The following BTN3A2 variants were observed in gnomAD, a reference collection of about 807,000 sequenced individuals.
BTN3A2 encodes the protein butyrophilin protein.
In BTN3A2, 25 loss-of-function variants were observed where a neutral mutation model predicts 37.6. The ratio of observed to expected loss-of-function variants is 0.66; its 90% CI spans 0.48 to 0.93. BTN3A2 has a LOEUF of 0.93. BTN3A2 is among the 40% of genes least tolerant of loss of function. BTN3A2 has a pLI of 0.00. For missense variants in BTN3A2, 266 were observed against 410.9 expected (o/e 0.65, Z 3.05); for synonymous variants, 122 against 159.4 (o/e 0.77, Z 1.77).
chr6:26,373,854 G>A (rs976998536), intron 8 of BTN3A2: 10 of 179,902 alleles, frequency 5.6e-5, no homozygotes, highest in Non-Finnish European at 1.0e-4. Context: ...GTCTAATAAA[G>A]AGGAGTAGCT....
chr6:26,370,274 C>G (rs759276772), intron 4 of BTN3A2, 48 bp from the exon 5 acceptor site: 3 of 1,592,068 alleles, frequency 1.9e-6, no homozygotes, highest in Admixed American at 3.4e-5. Context: ...TGAGACCCTC[C>G]CTAATACAGG....
Position 26,377,018 on chromosome 6 carries a change from C to A in BTN3A2, c.*1256C>A. On this transcript the variant is annotated 3_prime_UTR_variant, in exon 11 of 11. Transcript: ENST00000377708. The stretch of plus-strand genomic sequence containing the variant: ...GATCTCATATCTACACATTTCTGCA[C>A]GCCTCTTCCTCTGAGCCTCTGTATC... 7.1e-7 allele frequency: 1 copy of A among 1,414,646 alleles called. No individual in the cohort carries two copies. The highest frequency in any genetic ancestry group is 1.0e-6 in the Non-Finnish European group (1 of 1,001,896). The allele number at this position is 1,414,646 out of a possible 1,614,324, so 87.6% of individuals were successfully genotyped here.
chr6:26,373,003 G>C lies in BTN3A2; in HGVS notation c.822G>C (p.Gln274His). 1.2e-6 allele frequency: 2 copies of C among 1,614,240 alleles called. No homozygotes were observed. The highest frequency in any genetic ancestry group is 1.7e-6 in the Non-Finnish European group (2 of 1,180,042). The change falls in exon 6 of 11, where the codon CAG becomes CAC. Residue 274 changes from glutamine (Q) to histidine (H), a missense_variant. Gln to His is a conservative substitution (Grantham distance 24). Around this residue, in one of 3 missense-constraint regions of BTN3A2, gnomAD observed 204 missense variants for 232.6 expected, o/e 0.88. Coordinates refer to ENST00000377708, the MANE Select transcript of BTN3A2 (RefSeq NM_007047.5). ...AGASYFLWRQ[Q>H]KEITALSSEI... The stretch of plus-strand genomic sequence containing the variant: ...CCAGTTACTTCTTGTGGAGACAACA[G>C]AAGGAAATAACTGCTCTGTCCAGTG...
intron 6 of BTN3A2, 39 bp from the exon 7 acceptor site, chr6:26,373,237 C>CTTTTTT: frequency 2.1e-5 from 28 of 1,351,644 alleles, no homozygotes; most frequent in Admixed American, 2.6e-5. Flanking sequence ...AACAGTTCAT[C>CTTTTTT]TTTTTTTTTT....
At chr6:26,373,718 T>C in intron 8 of BTN3A2, 1 of 310,408 alleles carries the variant, frequency 3.2e-6, no homozygotes, top group East Asian at 5.2e-5. Flanking sequence ...AAGGATGAGG[T>C]GCATTTTCTA....
chr6:26,374,624 C>T (rs1039019939), intron 9 of BTN3A2, 147 bp from the exon 10 acceptor site: 2 of 1,008,060 alleles, frequency 2.0e-6, no homozygotes, highest in African/African-American at 3.3e-5. Flanking sequence ...GGTGCCACCT[C>T]TGATCCATCA....
chr6:26,375,905 G>A lies in BTN3A2; in HGVS notation c.*143G>A. On this transcript the variant is annotated 3_prime_UTR_variant, in exon 11 of 11. Coordinates refer to ENST00000377708, the MANE Select transcript of BTN3A2 (RefSeq NM_007047.5). ...TTTAGCTCACGAGTGGTCGAGTGAA[G>A]ATTGAAAATTAACCTCTGAGGGCCA... is the stretch of plus-strand genomic sequence containing the variant. 6.6e-7 allele frequency: 1 copy of A among 1,518,956 alleles called. No individual in the cohort carries two copies. 94.1% of individuals were successfully genotyped at this position (1,518,956 alleles called of 1,614,324 possible).
At chr6:26,373,244 T>C in intron 6 of BTN3A2, 32 bp from the exon 7 acceptor site, 3 of 1,491,302 alleles carry the variant, frequency 2.0e-6, no homozygotes, top group East Asian at 2.4e-5. Flanking sequence ...CATCTTTTTT[T>C]TTTTTTTTTT....
intron 10 of BTN3A2, chr6:26,375,060 A>G (rs1477738024): frequency 1.1e-5 from 4 of 380,502 alleles, no homozygotes; most frequent in African/African-American, 2.1e-5. Flanking sequence ...TTCTCATGCC[A>G]CCTACTGCCT....
rs942293352 is a variant in BTN3A2, at chr6:26,369,056, C to G, written c.433+144C>G. ...GCCTCCCAACTTAGCTTCTCTGAGG[C>G]CCTTGAGTAAGACACAGGTTTTCCT... On this transcript the variant is annotated intron_variant, in intron 4 of 10. Transcript: ENST00000377708. 6.3e-6 allele frequency: 4 copies of G among 631,824 alleles called. 1 individual carries two copies. In the African/African-American group the frequency reaches 7.3e-5, roughly 12 times the overall value. The allele number at this position is 631,824 out of a possible 1,614,324, so 39.1% of individuals were successfully genotyped here. A position where few individuals can be genotyped will look rare whatever the true frequency, so the allele number is the denominator to read the frequency against.
intron 1 of BTN3A2, among the ~76,000 whole-genome samples, chr6:26,366,301 A>T (rs546371645): frequency 1.3e-5 from 2 of 152,290 alleles, no homozygotes; most frequent in South Asian, 4.1e-4. Context: ...TATTTGCATC[A>T]ATCTCTAAAT....
At chr6:26,366,311 T>G (rs1374368111) in intron 1 of BTN3A2, among the ~76,000 whole-genome samples, 1 of 152,202 alleles carries the variant, frequency 6.6e-6, no homozygotes, top group Non-Finnish European at 1.5e-5. Context: ...AATCTCTAAA[T>G]TTTTTTCTTC....
Position 26,373,063 on chromosome 6 carries a change from A to G in BTN3A2, c.882A>G (p.Gly294=). The G allele has an allele frequency of 6.2e-7, 1 of 1,614,180 alleles. No homozygotes were observed. Among genetic ancestry groups the G allele is most frequent in the Non-Finnish European group, 8.5e-7 (1 of 1,180,040 alleles). Residue 294 remains glycine, a synonymous_variant, in exon 6 of 11, where the codon GGA becomes GGG. Transcript: ENST00000377708. ...GTGAGCAAGAGATGAAAGAAATGGG[A>G]TATGCTGCAACAGAGCGGGAAATAA... The part of the protein sequence containing the change: ...IESEQEMKEM[G]YAATEREISL...
chr6:26,373,333 T>A, intron 7 of BTN3A2, 37 bp downstream of exon 7: 1 of 1,609,628 alleles, frequency 6.2e-7, no homozygotes. Context: ...AGACATGTCT[T>A]CCTATCCTCG....
chr6:26,374,610 A>G, intron 9 of BTN3A2, 161 bp from the exon 10 acceptor site: 1 of 929,684 alleles, frequency 1.1e-6, no homozygotes, highest in Admixed American at 2.7e-5. Flanking sequence ...GACATTTTTG[A>G]GAAGGTGCCA....
At position 26,376,630 on chromosome 6, in the gene BTN3A2, A is replaced by G. The variant is rs1234593629; in HGVS notation, c.*868A>G. ...GCCATCCTCCTTGTTTCTGAGGACC[A>G]GAGGAGTGTACAGCGTGCTGAGGAG... is the stretch of plus-strand genomic sequence containing the variant. On this transcript the variant is annotated 3_prime_UTR_variant, in exon 11 of 11. Transcript: ENST00000377708. The G allele has an allele frequency of 1.4e-6, 2 of 1,464,716 alleles. No homozygotes were observed. Among genetic ancestry groups the G allele is most frequent in the Non-Finnish European group, 1.9e-6 (2 of 1,051,166 alleles). The allele number at this position is 1,464,716 out of a possible 1,614,324, so 90.7% of individuals were successfully genotyped here. A position where few individuals can be genotyped will look rare whatever the true frequency, so the allele number is the denominator to read the frequency against.
chr6:26,374,933 A>G, intron 10 of BTN3A2, 135 bp downstream of exon 10: 1 of 900,428 alleles, frequency 1.1e-6, no homozygotes, highest in Non-Finnish European at 1.7e-6. Context: ...GAAGACGCAT[A>G]AAGGGTGGAG....
chr6:26,378,111 C>A lies in BTN3A2; in HGVS notation c.*2349C>A, dbSNP rs1352647440. 1.3e-5 allele frequency: 2 copies of A among 152,174 alleles called. No homozygotes were observed. The highest frequency in any genetic ancestry group is 6.5e-5 in the Admixed American group (1 of 15,278). The allele number at this position is 152,174 out of a possible 1,614,324, so 9.4% of individuals were successfully genotyped here. A position where few individuals can be genotyped will look rare whatever the true frequency, so the allele number is the denominator to read the frequency against. On this transcript the variant is annotated 3_prime_UTR_variant, in exon 11 of 11. Coordinates refer to ENST00000377708, the MANE Select transcript of BTN3A2 (RefSeq NM_007047.5). ...AGAATTACAGGGATGTTTTTAATCC[C>A]ACTATGGACTCAGTCTCCTGGAAAA...
At chr6:26,370,772 G>C (rs9393712) in intron 5 of BTN3A2, among the ~76,000 whole-genome samples, 169 bp downstream of exon 5, 11,709 of 152,200 alleles carry the variant, frequency 0.077, 566 homozygotes, top group Non-Finnish European at 0.11. Flanking sequence ...CTCCATAAAG[G>C]TGTTCGTAAC....
Sources: gnomAD v4.1 joint callset for allele counts (sites outside exome capture counted in the v4.1 genomes callset) on GRCh38, gnomAD v4.1.1 for gene constraint, gnomAD v4.1.1 regional missense constraint, MANE v1.5 for transcripts, NCBI Gene and HGNC (gene_info 2026-07-23, HGNC 2026-07-21) for gene names.